AGBL4: variants seen among roughly 807,000 people sequenced by gnomAD.
The protein encoded by AGBL4 is AGBL carboxypeptidase 4, also known as cytosolic carboxypeptidase 6.
In AGBL4, 58 loss-of-function variants were observed where a neutral mutation model predicts 66.4. That is an observed-to-expected ratio of 0.87 (90% CI 0.71 to 1.09). The LOEUF (loss-of-function observed/expected upper bound fraction) is 1.09. Ranked by LOEUF, AGBL4 falls within the 50% of genes least tolerant of loss-of-function variation. AGBL4 has a pLI of 0.00. For missense variants in AGBL4, 579 were observed against 631.0 expected, an observed-to-expected ratio of 0.92 and a Z score of 0.88; for synonymous variants, 234 against 222.9, an observed-to-expected ratio of 1.05 and a Z score of -0.44.
In AGBL4 at chr1:49,498,665, T is replaced by C. The variant is rs1570880196; in HGVS notation, c.282+198648A>G. Among the ~76,000 whole-genome samples, 3 of 151,826 alleles carry C rather than the reference T, an allele frequency of 2.0e-5. No individual in the cohort carries two copies. In the East Asian group the frequency reaches 5.9e-4, roughly 30 times the overall value. On this transcript the variant is annotated intron_variant, in intron 3 of 13. Transcript: ENST00000371839. ...GTTCCTGTTCTTAGAAAAAAAAAGC[T>C]TTCAATTATTCAGGGTTGAGCATGA...
intron 5 of AGBL4, among the ~76,000 whole-genome samples, chr1:49,008,850 C>G (rs1662106624): frequency 6.6e-6 from 1 of 151,878 alleles, no homozygotes; most frequent in Non-Finnish European, 1.5e-5. Context: ...ACACAACATA[C>G]CATTATCTGT....
intron 2 of AGBL4, among the ~76,000 whole-genome samples, chr1:49,803,655 G>A (rs1644912927): frequency 6.6e-6 from 1 of 152,078 alleles, no homozygotes; most frequent in African/African-American, 2.4e-5. Flanking sequence ...TAATACTAAT[G>A]ATGATTCTGA....
At chr1:49,580,969 T>A (rs1644531041) in intron 3 of AGBL4, among the ~76,000 whole-genome samples, 1 of 152,198 alleles carries the variant, frequency 6.6e-6, no homozygotes, top group Admixed American at 6.5e-5. Context: ...AACTTTTTGA[T>A]TCTTCCCTAT....
chr1:49,445,648 C>T (rs969543922), intron 3 of AGBL4, among the ~76,000 whole-genome samples: 3 of 151,872 alleles, frequency 2.0e-5, no homozygotes, highest in South Asian at 2.1e-4. Flanking sequence ...AGTCTACTGT[C>T]GAAGGTTTCA....
chr1:49,937,860 A>G (rs1402982771), intron 1 of AGBL4, among the ~76,000 whole-genome samples: 2 of 152,188 alleles, frequency 1.3e-5, no homozygotes, highest in Non-Finnish European at 2.9e-5. Context: ...GGGATTATAC[A>G]TTTATAGCAC....
intron 2 of AGBL4, among the ~76,000 whole-genome samples, chr1:49,804,710 A>G (rs1400298413): frequency 6.6e-6 from 1 of 152,204 alleles, no homozygotes; most frequent in African/African-American, 2.4e-5. Flanking sequence ...AATAATTTGC[A>G]TTTTCATCAA....
At chr1:49,533,795 C>T (rs1227143814) in intron 3 of AGBL4, among the ~76,000 whole-genome samples, 1 of 152,080 alleles carries the variant, frequency 6.6e-6, no homozygotes, top group Non-Finnish European at 1.5e-5. Flanking sequence ...TTCTTGTCTG[C>T]TGGGTTTCTG....
intron 3 of AGBL4, among the ~76,000 whole-genome samples, chr1:49,553,420 A>T (rs1428073295): frequency 6.6e-6 from 1 of 152,206 alleles, no homozygotes; most frequent in Non-Finnish European, 1.5e-5. Flanking sequence ...AAATGACAAA[A>T]GTTCCCATAT....
chr1:49,998,108 A>C (rs1660493987), intron 1 of AGBL4, among the ~76,000 whole-genome samples: 1 of 152,128 alleles, frequency 6.6e-6, no homozygotes, highest in South Asian at 2.1e-4. Flanking sequence ...GAACAGAACT[A>C]AATGAAATTG....
intron 2 of AGBL4, among the ~76,000 whole-genome samples, chr1:49,769,537 G>A (rs1010236910): frequency 2.0e-5 from 3 of 152,108 alleles, no homozygotes; most frequent in Non-Finnish European, 2.9e-5. Flanking sequence ...GAAAGAGCCA[G>A]GGCAGAACAT....
intron 8 of AGBL4, among the ~76,000 whole-genome samples, chr1:48,651,530 G>A (rs559653600): frequency 4.4e-4 from 67 of 152,242 alleles, no homozygotes; most frequent in African/African-American, 1.6e-3. Flanking sequence ...CACTATTATC[G>A]CTAACAGTAC....
At chr1:49,113,011 G>A (rs928721149) in intron 4 of AGBL4, among the ~76,000 whole-genome samples, 24 of 151,492 alleles carry the variant, frequency 1.6e-4, no homozygotes, top group African/African-American at 5.8e-4. Flanking sequence ...GAGTGCAGTG[G>A]CGCAATCTCG....
intron 1 of AGBL4, among the ~76,000 whole-genome samples, chr1:49,973,728 T>G (rs534255407): frequency 2.0e-4 from 30 of 149,222 alleles, no homozygotes; most frequent in African/African-American, 7.3e-4. Flanking sequence ...TGTATATCAT[T>G]ATATATATGA....
At chr1:49,597,164 A>G (rs1644868540) in intron 3 of AGBL4, among the ~76,000 whole-genome samples, 1 of 152,250 alleles carries the variant, frequency 6.6e-6, no homozygotes, top group East Asian at 1.9e-4. Flanking sequence ...GTTAAGAATA[A>G]TGAATAGTAT....
intron 6 of AGBL4, among the ~76,000 whole-genome samples, chr1:48,687,630 C>A (rs1646556326): frequency 6.6e-6 from 1 of 152,244 alleles, no homozygotes; most frequent in Non-Finnish European, 1.5e-5. Context: ...CCCAGATCTG[C>A]TGACCAGCAG....
At chr1:49,381,133 T>G (rs1414161293) in intron 3 of AGBL4, among the ~76,000 whole-genome samples, 1 of 151,620 alleles carries the variant, frequency 6.6e-6, no homozygotes, top group Admixed American at 6.6e-5. Context: ...TACAAAGAAC[T>G]CAAACAAATT....
intron 1 of AGBL4, among the ~76,000 whole-genome samples, chr1:49,964,981 G>T (rs1306781927): frequency 1.3e-5 from 2 of 152,078 alleles, no homozygotes; most frequent in Non-Finnish European, 2.9e-5. Flanking sequence ...TGTAACTGTT[G>T]ATTATTATTA....
At chr1:49,948,566 T>A (rs12142625) in intron 1 of AGBL4, among the ~76,000 whole-genome samples, 9,187 of 48,048 alleles carry the variant, frequency 0.19, 461 homozygotes, top group East Asian at 0.25. Flanking sequence ...TATATAAAAA[T>A]ATATATATAT....
chr1:49,018,033 C>G (rs1662950168), intron 5 of AGBL4, among the ~76,000 whole-genome samples: 1 of 152,172 alleles, frequency 6.6e-6, no homozygotes, highest in African/African-American at 2.4e-5. Context: ...GCTGCAGTTA[C>G]ACCAAAACCA....
Sources: allele counts gnomAD v4.1 joint callset (sites outside exome capture counted in the v4.1 genomes callset), GRCh38; gene constraint gnomAD v4.1.1; transcripts MANE v1.5; gene names NCBI Gene and HGNC (gene_info 2026-07-23, HGNC 2026-07-21).